VPS13B: variants seen among roughly 807,000 people sequenced by gnomAD.
VPS13B encodes intermembrane lipid transfer protein VPS13B.
In VPS13B, 285 loss-of-function variants were observed where a neutral mutation model predicts 426.4. The ratio of observed to expected loss-of-function variants is 0.67; its 90% CI spans 0.61 to 0.74. The LOEUF (loss-of-function observed/expected upper bound fraction) is 0.74. Among genes scored for constraint, VPS13B ranks in the 30% least tolerant of loss-of-function variants. The pLI is 0.00. For missense variants in VPS13B, 4,537 were observed against 4,782.6 expected, an observed-to-expected ratio of 0.95 and a Z score of 1.51; for synonymous variants, 1,676 against 1,676.4, an observed-to-expected ratio of 1.00 and a Z score of 0.01.
chr8:99,570,903 C>G (rs1353785181), intron 31 of VPS13B, among the ~76,000 whole-genome samples: 1 of 152,080 alleles, frequency 6.6e-6, no homozygotes, highest in East Asian at 1.9e-4. Context: ...TTGAGGACCA[C>G]CCAGGTAATA....
intron 17 of VPS13B, among the ~76,000 whole-genome samples, chr8:99,193,421 C>T (rs1383682478): frequency 6.6e-6 from 1 of 152,024 alleles, no homozygotes; most frequent in East Asian, 1.9e-4. Flanking sequence ...AATTCTTACT[C>T]ATAATATTTG....
chr8:99,501,861 A>G lies in VPS13B; in HGVS notation c.4042+3A>G. On this transcript the variant is annotated splice_donor_region_variant and intron_variant, in intron 26 of 61. Coordinates refer to ENST00000357162, the MANE Select transcript of VPS13B (RefSeq NM_152564.5). ...AGATCCTGAAAATAAAGGCACAGGT[A>G]CAGGATTCCTTTTCTTTCTTCCCTC... 6.2e-7 allele frequency: 1 copy of G among 1,613,156 alleles called. No homozygotes were observed. Among genetic ancestry groups the G allele is most frequent in the Non-Finnish European group, 8.5e-7 (1 of 1,179,768 alleles).
In VPS13B at chr8:99,618,328, C is replaced by T. The variant is rs188381683; in HGVS notation, c.5221-23483C>T. On this transcript the variant is annotated intron_variant, in intron 33 of 61. Coordinates refer to ENST00000357162, the MANE Select transcript of VPS13B (RefSeq NM_152564.5). ...TCTGTCAATTGTTTCTCAGAGCAAT[C>T]CCAGGAGTTTTCAGGTTTAGAAACC... Among the ~76,000 whole-genome samples, 13 of 151,262 alleles carry T rather than the reference C, an allele frequency of 8.6e-5. No homozygotes were observed. In the East Asian group the frequency reaches 1.9e-3, roughly 23 times the overall value.
intron 35 of VPS13B, among the ~76,000 whole-genome samples, chr8:99,691,114 T>C (rs1363256293): frequency 6.6e-6 from 1 of 152,120 alleles, no homozygotes; most frequent in Non-Finnish European, 1.5e-5. Flanking sequence ...GGTACAAAAA[T>C]CACATATTAT....
At chr8:99,564,240 G>A (rs569833355) in intron 31 of VPS13B, among the ~76,000 whole-genome samples, 2 of 152,240 alleles carry the variant, frequency 1.3e-5, no homozygotes, top group African/African-American at 4.8e-5. Context: ...AACCAATAGA[G>A]TATTACAGAG....
intron 19 of VPS13B, among the ~76,000 whole-genome samples, chr8:99,277,770 A>G (rs189403084): frequency 2.0e-5 from 3 of 152,220 alleles, no homozygotes; most frequent in East Asian, 1.9e-4. Flanking sequence ...TTCCCCTGCT[A>G]TTAGAATTTT....
chr8:99,626,111 A>G (rs1828602840), intron 33 of VPS13B, among the ~76,000 whole-genome samples: 1 of 152,270 alleles, frequency 6.6e-6, no homozygotes, highest in Non-Finnish European at 1.5e-5. Flanking sequence ...ATCTTAGATG[A>G]AATGAAAACA....
chr8:99,101,422 G>A (rs766878498), intron 4 of VPS13B, among the ~76,000 whole-genome samples: 4 of 152,136 alleles, frequency 2.6e-5, no homozygotes, highest in South Asian at 2.1e-4. Flanking sequence ...GTGAGCCACC[G>A]TGCTTGGCCC....
Position 99,578,180 on chromosome 8 carries a change from G to T in VPS13B, c.5220+547G>T, listed in dbSNP as rs190052689. On this transcript the variant is annotated intron_variant, in intron 33 of 61. Coordinates refer to ENST00000357162, the MANE Select transcript of VPS13B (RefSeq NM_152564.5). ...AGTATGTCAGCAAGAAACAAAGAAA[G>T]CTATTTGTTAGATTCTTCTCAAGAT... 1.1e-4 allele frequency among the ~76,000 whole-genome samples: 17 copies of T among 152,184 alleles called. No individual in the cohort carries two copies. The East Asian group carries it at 3.1e-3, about 28-fold the overall frequency.
At chr8:99,275,704 GTT>G (rs944903295) in intron 19 of VPS13B, among the ~76,000 whole-genome samples, 1 of 152,016 alleles carries the variant, frequency 6.6e-6, no homozygotes, top group Non-Finnish European at 1.5e-5. Flanking sequence ...ATTTCTTAGA[GTT>G]TTATTTTTTT....
intron 21 of VPS13B, among the ~76,000 whole-genome samples, chr8:99,396,845 A>G (rs77086359): frequency 0.064 from 9,690 of 152,130 alleles, 332 homozygotes; most frequent in South Asian, 0.097. Context: ...GTGAAACACT[A>G]CTGTTGGTAT....
chr8:99,332,160 A>G (rs1427227551), intron 19 of VPS13B, among the ~76,000 whole-genome samples: 1 of 151,668 alleles, frequency 6.6e-6, no homozygotes, highest in Non-Finnish European at 1.5e-5. Context: ...TTATGTTCTG[A>G]CATCCAAAAC....
rs543045514 is a variant in VPS13B at position 99,026,441 on chromosome 8, C to G, written c.148-11982C>G. Reference sequence around the variant, plus strand: ...AAGAATGTATCCCGCAGCTGTTGTTCTGTAAATATCTGTTAGGTCTATTTG... The same window carrying G: ...AAGAATGTATCCCGCAGCTGTTGTTGTGTAAATATCTGTTAGGTCTATTTG... On this transcript the variant is annotated intron_variant, in intron 2 of 61. Coordinates refer to ENST00000357162, the MANE Select transcript of VPS13B (RefSeq NM_152564.5). Among the ~76,000 whole-genome samples the G allele has an allele frequency of 1.2e-4, 18 of 152,210 alleles. No individual in the cohort carries two copies. In the South Asian group the frequency reaches 3.7e-3, roughly 32 times the overall value.
chr8:99,455,818 T>C (rs1001871320), intron 23 of VPS13B, among the ~76,000 whole-genome samples: 1 of 152,226 alleles, frequency 6.6e-6, no homozygotes, highest in South Asian at 2.1e-4. Flanking sequence ...TTTTTATTGC[T>C]GAGGAGCATT....
chr8:99,126,704 T>G (rs1182925332), intron 8 of VPS13B, among the ~76,000 whole-genome samples: 1 of 152,230 alleles, frequency 6.6e-6, no homozygotes, highest in Non-Finnish European at 1.5e-5. Flanking sequence ...CCATATATTT[T>G]GCTATATTTT....
chr8:99,292,927 T>C (rs530580057), intron 19 of VPS13B, among the ~76,000 whole-genome samples: 5 of 152,292 alleles, frequency 3.3e-5, no homozygotes, highest in East Asian at 1.9e-4. Flanking sequence ...ACTATCTTTT[T>C]GATGACTGGT....
chr8:99,250,506 G>T (rs1466564549), intron 17 of VPS13B, among the ~76,000 whole-genome samples: 1 of 151,728 alleles, frequency 6.6e-6, no homozygotes, highest in Non-Finnish European at 1.5e-5. Context: ...CCTAGATTTG[G>T]CATTAATGTT....
chr8:99,143,578 T>G (rs1168447039), intron 13 of VPS13B, among the ~76,000 whole-genome samples: 1 of 152,216 alleles, frequency 6.6e-6, no homozygotes, highest in East Asian at 1.9e-4. Context: ...TAATTTTTTC[T>G]ACATGGTAGA....
intron 3 of VPS13B, among the ~76,000 whole-genome samples, chr8:99,088,565 T>G (rs1171395729): frequency 1.3e-5 from 2 of 152,160 alleles, no homozygotes; most frequent in Non-Finnish European, 2.9e-5. Flanking sequence ...GGTGCTCACA[T>G]AAAAAAATTT....
Sources: gnomAD v4.1 joint callset for allele counts (sites outside exome capture counted in the v4.1 genomes callset) on GRCh38, gnomAD v4.1.1 for gene constraint, MANE v1.5 for transcripts, NCBI Gene and HGNC (gene_info 2026-07-23, HGNC 2026-07-21) for gene names.